Variants in SPECC1 observed in about 807,000 individuals in gnomAD.
SPECC1 encodes the protein cytospin-B.
SPECC1 carries 62 observed loss-of-function variants against 104.1 expected under a neutral mutation model. That is an observed-to-expected ratio of 0.60 (90% CI 0.49 to 0.74). The LOEUF (loss-of-function observed/expected upper bound fraction) is 0.74. Ranked by LOEUF, SPECC1 falls within the 30% of genes least tolerant of loss-of-function variation. The pLI, the probability that SPECC1 is intolerant of heterozygous loss-of-function variation, is 0.00. For synonymous variants in SPECC1, 513 were observed against 501.6 expected, an observed-to-expected ratio of 1.02 and a Z score of -0.30; for missense variants, 1,306 against 1,310.5, an observed-to-expected ratio of 1.00 and a Z score of 0.05.
At chr17:20,174,890 TGCCTTGGTCAAAATGACCAA>T (rs1256137672) in intron 3 of SPECC1, among the ~76,000 whole-genome samples, 2 of 151,972 alleles carry the variant, frequency 1.3e-5, no homozygotes, top group Non-Finnish European at 2.9e-5. Flanking sequence ...CCAAGCCCTC[TGCCTTGGTCAAAATGACCAA>T]GGCAAAATTT....
chr17:20,113,465 A>G (rs561173551), intron 3 of SPECC1, among the ~76,000 whole-genome samples: 1 of 152,326 alleles, frequency 6.6e-6, no homozygotes, highest in South Asian at 2.1e-4. Context: ...CAGGTTTATA[A>G]ATAGCTTTAG....
At chr17:20,016,543 C>G (rs893808930) in intron 1 of SPECC1, among the ~76,000 whole-genome samples, 3 of 152,138 alleles carry the variant, frequency 2.0e-5, no homozygotes, top group Non-Finnish European at 4.4e-5. Context: ...GTGGGCTTGG[C>G]GGGCCCCGCA....
At chr17:20,283,736 G>T (rs745321957) in intron 12 of SPECC1, among the ~76,000 whole-genome samples, 3 of 152,042 alleles carry the variant, frequency 2.0e-5, no homozygotes, top group Admixed American at 1.3e-4. Context: ...ACAGCTGCAT[G>T]CCACCACATT....
chr17:20,232,828 T>A (rs531942032), intron 7 of SPECC1, among the ~76,000 whole-genome samples: 1 of 152,200 alleles, frequency 6.6e-6, no homozygotes, highest in African/African-American at 2.4e-5. Flanking sequence ...GAAGGACACA[T>A]TCCTCTGGGC....
chr17:20,102,783 C>A (rs192796269), intron 2 of SPECC1, among the ~76,000 whole-genome samples: 1 of 152,242 alleles, frequency 6.6e-6, no homozygotes, highest in African/African-American at 2.4e-5. Context: ...TCCCCTCCTC[C>A]CTCCTCCTCC....
At chr17:20,237,208 G>C (rs986910680) in intron 7 of SPECC1, 3 of 1,271,416 alleles carry the variant, frequency 2.4e-6, no homozygotes, top group East Asian at 6.8e-5. Flanking sequence ...GTTATTTGCA[G>C]CTGGAGTGCT....
chr17:20,260,110 A>C, intron 11 of SPECC1, 82 bp from the exon 12 acceptor site: 1 of 1,121,960 alleles, frequency 8.9e-7, no homozygotes. Flanking sequence ...TGCTTTTCTA[A>C]AGTAGGTATT....
chr17:20,058,020 A>G (rs2046033778), intron 1 of SPECC1, among the ~76,000 whole-genome samples: 1 of 152,148 alleles, frequency 6.6e-6, no homozygotes, highest in African/African-American at 2.4e-5. Context: ...CAGTTTGGTC[A>G]TATCATCAAG....
At chr17:20,196,236 T>C (rs755151190) in intron 3 of SPECC1, among the ~76,000 whole-genome samples, 27 of 152,262 alleles carry the variant, frequency 1.8e-4, no homozygotes, top group Non-Finnish European at 2.1e-4. Flanking sequence ...AACTATTTCT[T>C]CAATAGTCTC....
intron 10 of SPECC1, among the ~76,000 whole-genome samples, chr17:20,254,139 G>GTT (rs2039736121): frequency 7.8e-6 from 1 of 128,492 alleles, no homozygotes; most frequent in Non-Finnish European, 1.8e-5. Flanking sequence ...TACACCGTGT[G>GTT]TGTGTGTGTG....
chr17:20,065,152 C>A lies in SPECC1; in HGVS notation c.-21-31479C>A, dbSNP rs143977691. On this transcript the variant is annotated intron_variant, in intron 1 of 14. Transcript: ENST00000395527. ...TTTTTCCTCTGCTCTCACACCACAACAACAGTCATCAACACGGAAAAAGAC... is the reference window on the plus strand; with the variant it reads ...TTTTTCCTCTGCTCTCACACCACAAAAACAGTCATCAACACGGAAAAAGAC... Among the ~76,000 whole-genome samples, 326 of 152,326 alleles carry A rather than the reference C, an allele frequency of 2.1e-3. 1 individual carries two copies. Among genetic ancestry groups the A allele is most frequent in the Non-Finnish European group, 3.7e-3 (249 of 68,032 alleles).
intron 3 of SPECC1, among the ~76,000 whole-genome samples, chr17:20,111,252 T>C (rs1288748452): frequency 6.6e-6 from 1 of 152,174 alleles, no homozygotes; most frequent in African/African-American, 2.4e-5. Flanking sequence ...ACGGGAAAAA[T>C]AACTGAAATA....
chr17:20,099,889 G>T (rs374762060), intron 2 of SPECC1, among the ~76,000 whole-genome samples: 534 of 152,044 alleles, frequency 3.5e-3, no homozygotes, highest in African/African-American at 0.012. Context: ...TATCCTTGGG[G>T]GATTGGTTCC....
chr17:20,140,158 A>C (rs1442182047), intron 3 of SPECC1, among the ~76,000 whole-genome samples: 3 of 152,172 alleles, frequency 2.0e-5, no homozygotes, highest in African/African-American at 7.2e-5. Context: ...AAACCTAAAA[A>C]AATTAAACTA....
At chr17:20,170,697 C>T (rs1456387463) in intron 3 of SPECC1, among the ~76,000 whole-genome samples, 1 of 149,684 alleles carries the variant, frequency 6.7e-6, no homozygotes, top group African/African-American at 2.5e-5. Context: ...TTAACTGTTG[C>T]TCTTTTACTT....
chr17:20,142,449 A>C (rs1218041304), intron 3 of SPECC1, among the ~76,000 whole-genome samples: 1 of 152,210 alleles, frequency 6.6e-6, no homozygotes, highest in Non-Finnish European at 1.5e-5. Context: ...TAGATCAACA[A>C]AAATGTGGTA....
intron 3 of SPECC1, among the ~76,000 whole-genome samples, chr17:20,164,797 T>C (rs1597859453): frequency 6.6e-6 from 1 of 152,312 alleles, no homozygotes; most frequent in East Asian, 1.9e-4. Flanking sequence ...ATAATACTCA[T>C]GTGCCTTAGA....
rs139818002 is a variant in SPECC1, at chr17:20,279,581, C to A, written c.2941-17380C>A. Among the ~76,000 whole-genome samples the A allele has an allele frequency of 1.6e-3, 238 of 152,272 alleles. 2 individuals are homozygous for A. The highest frequency in any genetic ancestry group is 5.4e-3 in the African/African-American group (223 of 41,544). On this transcript the variant is annotated intron_variant, in intron 12 of 14. Coordinates refer to ENST00000395527, the MANE Select transcript of SPECC1 (RefSeq NM_001243439.2). ...AGGTGATCCGCCTGCCTTGGCCTCC[C>A]AAAGTGTTGGGATTACAGGTATGAG...
intron 10 of SPECC1, among the ~76,000 whole-genome samples, chr17:20,253,842 CT>C (rs2039723667): frequency 6.6e-6 from 1 of 151,552 alleles, no homozygotes; most frequent in African/African-American, 2.4e-5. Context: ...TTTTCTTTTC[CT>C]TTTTTCAGAG....
Sources: allele counts gnomAD v4.1 joint callset (sites outside exome capture counted in the v4.1 genomes callset), GRCh38; gene constraint gnomAD v4.1.1; transcripts MANE v1.5; gene names NCBI Gene and HGNC (gene_info 2026-07-23, HGNC 2026-07-21).